The following RTN4IP1 variants were observed in gnomAD, a reference collection of about 807,000 sequenced individuals.
RTN4IP1 encodes the protein reticulon 4 interacting protein 1.
RTN4IP1 carries 32 observed loss-of-function variants against 46.6 expected under a neutral mutation model. That is an observed-to-expected ratio of 0.69 (90% CI 0.52 to 0.92). RTN4IP1 has a LOEUF of 0.92. RTN4IP1 is among the 40% of genes least tolerant of loss of function. The probability of loss-of-function intolerance (pLI) is 0.00; values close to 1 mark genes in which losing one functional copy is unlikely to be tolerated. For missense variants in RTN4IP1, 424 were observed against 485.8 expected (o/e 0.87, Z 1.20); for synonymous variants, 167 against 161.8 (o/e 1.03, Z -0.24).
At chr6:106,578,911 CTTCT>C (rs1775289657) in intron 8 of RTN4IP1, among the ~76,000 whole-genome samples, 1 of 145,008 alleles carries the variant, frequency 6.9e-6, no homozygotes, top group East Asian at 2.1e-4. Flanking sequence ...TCTTCTTCTT[CTTCT>C]TTTTTTTTTT....
At chr6:106,574,227 C>T (rs867250074) in intron 8 of RTN4IP1, among the ~76,000 whole-genome samples, 2 of 101,024 alleles carry the variant, frequency 2.0e-5, no homozygotes, top group African/African-American at 6.7e-5. Flanking sequence ...GGCGAATCAC[C>T]TGAGGTCAGG....
At chr6:106,607,211 G>A (rs1776100746) in intron 4 of RTN4IP1, among the ~76,000 whole-genome samples, 1 of 151,858 alleles carries the variant, frequency 6.6e-6, no homozygotes, top group African/African-American at 2.4e-5. Flanking sequence ...CAGAAAAATG[G>A]AAACTAGATG....
chr6:106,573,566 C>T (rs950555894), intron 8 of RTN4IP1, among the ~76,000 whole-genome samples: 2 of 152,228 alleles, frequency 1.3e-5, no homozygotes, highest in African/African-American at 4.8e-5. Context: ...GTTTTAGGGG[C>T]TCTAGAGATT....
intron 4 of RTN4IP1, among the ~76,000 whole-genome samples, chr6:106,609,934 A>G (rs1776183372): frequency 6.6e-6 from 1 of 152,236 alleles, no homozygotes. Flanking sequence ...AGCAGGTCCA[A>G]TGAATGAAGC....
chr6:106,578,956 G>C (rs916058334), intron 8 of RTN4IP1, among the ~76,000 whole-genome samples: 1 of 150,540 alleles, frequency 6.6e-6, no homozygotes, highest in African/African-American at 2.5e-5. Context: ...ATAAAAACCA[G>C]CTGGGCGTGG....
chr6:106,627,232 T>C (rs1284418441), intron 1 of RTN4IP1, among the ~76,000 whole-genome samples: 1 of 151,498 alleles, frequency 6.6e-6, no homozygotes, highest in East Asian at 1.9e-4. Flanking sequence ...AAAAGTAAAA[T>C]GTTTTACAGT....
chr6:106,595,652 C>T (rs1045365100), intron 5 of RTN4IP1, among the ~76,000 whole-genome samples: 8 of 152,022 alleles, frequency 5.3e-5, no homozygotes, highest in Non-Finnish European at 8.8e-5. Flanking sequence ...TGCCCACCAC[C>T]ACGCCCGGCT....
chr6:106,579,485 C>T (rs1016958514), intron 8 of RTN4IP1, among the ~76,000 whole-genome samples: 1 of 152,140 alleles, frequency 6.6e-6, no homozygotes, highest in African/African-American at 2.4e-5. Flanking sequence ...CCAGGAAAAA[C>T]AGACTGTGAG....
At chr6:106,622,275 G>A (rs947796598) in intron 2 of RTN4IP1, among the ~76,000 whole-genome samples, 24 of 152,308 alleles carry the variant, frequency 1.6e-4, no homozygotes, top group African/African-American at 5.8e-4. Flanking sequence ...TGCACATTTA[G>A]TAAAGGAATA....
intron 4 of RTN4IP1, among the ~76,000 whole-genome samples, chr6:106,610,749 C>T (rs777418549): frequency 2.6e-5 from 4 of 151,902 alleles, no homozygotes; most frequent in Admixed American, 6.6e-5. Context: ...ACATATAGAG[C>T]TTCTTTGGAA....
chr6:106,604,034 A>G (rs1776003572), intron 4 of RTN4IP1, among the ~76,000 whole-genome samples: 1 of 152,120 alleles, frequency 6.6e-6, no homozygotes, highest in African/African-American at 2.4e-5. Flanking sequence ...ATTTAACATC[A>G]CCGTAAATTG....
intron 7 of RTN4IP1, 133 bp downstream of exon 7, chr6:106,587,546 T>C (rs1254289644): frequency 1.3e-6 from 1 of 745,704 alleles, no homozygotes; most frequent in Non-Finnish European, 2.2e-6. Flanking sequence ...AGCCAGTCAC[T>C]GTGACTGCAG....
intron 4 of RTN4IP1, among the ~76,000 whole-genome samples, chr6:106,616,299 T>G (rs1776355341): frequency 6.6e-6 from 1 of 152,198 alleles, no homozygotes; most frequent in South Asian, 2.1e-4. Flanking sequence ...TTTCCTTGGT[T>G]CACTGATACT....
intron 4 of RTN4IP1, among the ~76,000 whole-genome samples, chr6:106,612,883 G>A (rs1240947428): frequency 6.6e-6 from 1 of 152,206 alleles, no homozygotes; most frequent in African/African-American, 2.4e-5. Context: ...ACGTGCATCA[G>A]GGATAAGAAC....
chr6:106,595,600 C>T (rs1472232814), intron 5 of RTN4IP1, among the ~76,000 whole-genome samples: 1 of 151,322 alleles, frequency 6.6e-6, no homozygotes, highest in Non-Finnish European at 1.5e-5. Context: ...TAGGTTCAAG[C>T]AATTCTCCTG....
At chr6:106,575,016 T>C (rs968445757) in intron 8 of RTN4IP1, among the ~76,000 whole-genome samples, 4 of 152,230 alleles carry the variant, frequency 2.6e-5, no homozygotes, top group African/African-American at 9.6e-5. Flanking sequence ...CACTGCTGGC[T>C]GAATCTGTGA....
intron 7 of RTN4IP1, among the ~76,000 whole-genome samples, chr6:106,587,405 T>C (rs913445773): frequency 6.6e-6 from 1 of 152,236 alleles, no homozygotes; most frequent in Non-Finnish European, 1.5e-5. Flanking sequence ...ACTACTTCAT[T>C]TGATCCTTAC....
intron 5 of RTN4IP1, among the ~76,000 whole-genome samples, chr6:106,601,229 T>C (rs1176739770): frequency 6.6e-6 from 1 of 152,180 alleles, no homozygotes; most frequent in Non-Finnish European, 1.5e-5. Context: ...TTCGGAGAAA[T>C]GTCAATTCAA....
At chr6:106,591,141 A>G (rs1191257263) in intron 6 of RTN4IP1, among the ~76,000 whole-genome samples, 1 of 152,126 alleles carries the variant, frequency 6.6e-6, no homozygotes, top group Admixed American at 6.5e-5. Flanking sequence ...TAACCTTGCT[A>G]TTTATAACAG....
Sources: allele counts gnomAD v4.1 joint callset (sites outside exome capture counted in the v4.1 genomes callset), GRCh38; gene constraint gnomAD v4.1.1; transcripts MANE v1.5; gene names NCBI Gene and HGNC (gene_info 2026-07-23, HGNC 2026-07-21).